Variants in CLVS1 observed in about 807,000 individuals in gnomAD.
CLVS1 encodes the protein clavesin 1, also known as clavesin-1.
In CLVS1, 10 loss-of-function variants were observed where a neutral mutation model predicts 33.1. The ratio of observed to expected loss-of-function variants is 0.30; its 90% CI spans 0.19 to 0.51. The LOEUF (loss-of-function observed/expected upper bound fraction) is 0.51, where lower values mean the gene tolerates loss of function less well. Among genes scored for constraint, CLVS1 ranks in the 20% least tolerant of loss-of-function variants. The pLI, the probability that CLVS1 is intolerant of heterozygous loss-of-function variation, is 0.97. For missense variants in CLVS1, 343 were observed against 433.4 expected (o/e 0.79, Z 1.85); for synonymous variants, 163 against 166.1 (o/e 0.98, Z 0.14).
intron 2 of CLVS1, among the ~76,000 whole-genome samples, chr8:61,361,474 C>G (rs1448149977): frequency 6.6e-6 from 1 of 152,194 alleles, no homozygotes; most frequent in African/African-American, 2.4e-5. Flanking sequence ...GGACATTCTC[C>G]AAGCCTTTTA....
chr8:61,067,029 G>C lies in CLVS1; in HGVS notation c.-243+9799G>C, dbSNP rs147726598. ...TCCTGAGTCAGGAGCCATAAATGGG[G>C]GGGGAGGGCAATGATGTTCAACCTT... On this transcript the variant is annotated intron_variant, in intron 1 of 2. Coordinates refer to the CLVS1 transcript ENST00000522621. Among the ~76,000 whole-genome samples the C allele has an allele frequency of 6.8e-4, 104 of 152,230 alleles. 2 individuals carry two copies. In the East Asian group the frequency reaches 0.017, roughly 25 times the overall value.
intron 1 of CLVS1, among the ~76,000 whole-genome samples, chr8:61,085,594 T>C (rs182390821): frequency 3.9e-5 from 6 of 152,108 alleles, no homozygotes; most frequent in Admixed American, 3.3e-4. Context: ...AATGTAACAA[T>C]GAAATGCATG....
the CLVS1 span, among the ~76,000 whole-genome samples, chr8:61,024,848 T>A: frequency 5.3e-5 from 8 of 151,984 alleles, no homozygotes; most frequent in African/African-American, 1.9e-4. Flanking sequence ...CTTTTCTTTT[T>A]TTTCTTTCTT....
intron 1 of CLVS1, among the ~76,000 whole-genome samples, chr8:61,116,631 C>G (rs1805729425): frequency 6.6e-6 from 1 of 151,596 alleles, no homozygotes; most frequent in Non-Finnish European, 1.5e-5. Context: ...ATAGGGAATC[C>G]TTTCCCCATT....
chr8:61,350,407 T>C (rs1812407418), intron 2 of CLVS1, among the ~76,000 whole-genome samples: 1 of 152,174 alleles, frequency 6.6e-6, no homozygotes, highest in South Asian at 2.1e-4. Context: ...ACTCTTTGTA[T>C]TTGGCATTAT....
intron 1 of CLVS1, among the ~76,000 whole-genome samples, chr8:61,125,963 A>ATTT (rs34518774): frequency 6.7e-6 from 1 of 150,114 alleles, no homozygotes; most frequent in East Asian, 1.9e-4. Flanking sequence ...TTTTAAGGAC[A>ATTT]TTTTTTTTTT....
chr8:61,113,749 G>A (rs747755704), intron 1 of CLVS1, among the ~76,000 whole-genome samples: 2 of 152,186 alleles, frequency 1.3e-5, no homozygotes, highest in Non-Finnish European at 2.9e-5. Flanking sequence ...CCTGGGTCCT[G>A]GCTGGTAAGT....
chr8:61,025,413 C>A, the CLVS1 span, among the ~76,000 whole-genome samples: 1 of 152,200 alleles, frequency 6.6e-6, no homozygotes, highest in Non-Finnish European at 1.5e-5. Context: ...CTCCATTTGA[C>A]TTAAGAGGAA....
At chr8:61,182,646 T>A (rs1807262274) in intron 2 of CLVS1, among the ~76,000 whole-genome samples, 1 of 152,098 alleles carries the variant, frequency 6.6e-6, no homozygotes, top group Non-Finnish European at 1.5e-5. Flanking sequence ...CTCACGTCAG[T>A]CACAATGACG....
chr8:61,376,346 G>C (rs1563523959), intron 2 of CLVS1, among the ~76,000 whole-genome samples: 1 of 152,218 alleles, frequency 6.6e-6, no homozygotes, highest in Non-Finnish European at 1.5e-5. Context: ...AGTATGGAAA[G>C]CCACAGGAAC....
chr8:61,216,713 C>T (rs571020126), intron 2 of CLVS1, among the ~76,000 whole-genome samples: 12 of 152,220 alleles, frequency 7.9e-5, no homozygotes, highest in Non-Finnish European at 1.5e-4. Context: ...GATCTGGCCC[C>T]TCAACCTGTG....
chr8:61,387,629 C>T (rs918229052), intron 3 of CLVS1, among the ~76,000 whole-genome samples: 1 of 152,046 alleles, frequency 6.6e-6, no homozygotes, highest in Non-Finnish European at 1.5e-5. Flanking sequence ...CACACAACCC[C>T]CTCCTAAACT....
At chr8:61,028,543 G>T in the CLVS1 span, among the ~76,000 whole-genome samples, 1 of 152,174 alleles carries the variant, frequency 6.6e-6, no homozygotes, top group Admixed American at 6.5e-5. Flanking sequence ...CTGCTGAGGT[G>T]TCAGGTCACC....
intron 3 of CLVS1, among the ~76,000 whole-genome samples, chr8:61,390,200 A>T (rs1432226482): frequency 1.3e-5 from 2 of 152,242 alleles, no homozygotes. Context: ...TCTACTCAGA[A>T]ATAAACATTT....
chr8:61,117,440 G>C (rs1396308420), intron 1 of CLVS1, among the ~76,000 whole-genome samples: 4 of 151,964 alleles, frequency 2.6e-5, no homozygotes, highest in Non-Finnish European at 4.4e-5. Flanking sequence ...GGGCATCCCT[G>C]TCTTGCGCCA....
intron 2 of CLVS1, among the ~76,000 whole-genome samples, chr8:61,243,274 A>G (rs575685886): frequency 7.6e-4 from 115 of 152,212 alleles, no homozygotes; most frequent in Non-Finnish European, 1.5e-3. Flanking sequence ...ATACAGTAAG[A>G]TCGTTACTAT....
At chr8:61,165,534 G>A (rs1806845892) in intron 2 of CLVS1, among the ~76,000 whole-genome samples, 1 of 152,188 alleles carries the variant, frequency 6.6e-6, no homozygotes, top group South Asian at 2.1e-4. Flanking sequence ...TTGGTTGGGT[G>A]TGAGCTAAGT....
At chr8:61,118,666 A>G (rs1805794503) in intron 1 of CLVS1, among the ~76,000 whole-genome samples, 1 of 151,648 alleles carries the variant, frequency 6.6e-6, no homozygotes, top group African/African-American at 2.4e-5. Flanking sequence ...TTCAGTTTCC[A>G]TGGAGTTGAG....
chr8:61,014,062 T>C, the CLVS1 span, among the ~76,000 whole-genome samples: 1 of 150,528 alleles, frequency 6.6e-6, no homozygotes, highest in Non-Finnish European at 1.5e-5. Context: ...CATCTGCAAG[T>C]GTCAACTCTC....
Sources: gnomAD v4.1 joint callset for allele counts (sites outside exome capture counted in the v4.1 genomes callset) on GRCh38, gnomAD v4.1.1 for gene constraint, MANE v1.5 for transcripts, NCBI Gene and HGNC (gene_info 2026-07-23, HGNC 2026-07-21) for gene names.